The following CERS6 variants were observed in gnomAD, a reference collection of about 807,000 sequenced individuals.
CERS6 encodes LAG1 homolog, ceramide synthase 6.
Under a neutral mutation model 56.8 loss-of-function variants are expected in CERS6, and 26 were observed. That is an observed-to-expected ratio of 0.46 (90% CI 0.34 to 0.63). The LOEUF is 0.63. CERS6 is among the 30% of genes least tolerant of loss of function. CERS6 has a pLI of 0.01. For synonymous variants in CERS6, 164 were observed against 173.3 expected, an observed-to-expected ratio of 0.95 and a Z score of 0.42; for missense variants, 415 against 467.5, an observed-to-expected ratio of 0.89 and a Z score of 1.04.
intron 4 of CERS6, among the ~76,000 whole-genome samples, chr2:168,641,341 A>C (rs1361485695): frequency 6.6e-6 from 1 of 152,108 alleles, no homozygotes; most frequent in Non-Finnish European, 1.5e-5. Flanking sequence ...CTGGCTTCCC[A>C]TAGAAACTGC....
chr2:168,688,477 G>A (rs1445741336), intron 4 of CERS6, among the ~76,000 whole-genome samples: 2 of 151,520 alleles, frequency 1.3e-5, no homozygotes, highest in East Asian at 3.9e-4. Context: ...TCATACACCA[G>A]TGTTGAGCTA....
chr2:168,638,316 G>A (rs1384202625), intron 4 of CERS6, among the ~76,000 whole-genome samples: 1 of 151,944 alleles, frequency 6.6e-6, no homozygotes. Context: ...TTTCTGCAAT[G>A]TAACTAGCAG....
intron 1 of CERS6, among the ~76,000 whole-genome samples, chr2:168,487,983 G>A (rs1216099951): frequency 6.6e-6 from 1 of 152,142 alleles, no homozygotes; most frequent in Non-Finnish European, 1.5e-5. Context: ...GCCTCCCAAA[G>A]TACTGGGATT....
chr2:168,695,166 G>A (rs1686614049), intron 6 of CERS6, 115 bp downstream of exon 6: 1 of 726,688 alleles, frequency 1.4e-6, no homozygotes, highest in South Asian at 1.7e-5. Context: ...CCCTAGGTTA[G>A]TACGACTTGC....
chr2:168,591,394 G>C (rs1683666987), intron 3 of CERS6, among the ~76,000 whole-genome samples: 1 of 152,212 alleles, frequency 6.6e-6, no homozygotes, highest in South Asian at 2.1e-4. Flanking sequence ...ATGAGAGTTT[G>C]ATAGCCAAAT....
intron 6 of CERS6, among the ~76,000 whole-genome samples, chr2:168,706,859 A>G (rs1256427998): frequency 6.6e-6 from 1 of 152,222 alleles, no homozygotes; most frequent in Non-Finnish European, 1.5e-5. Context: ...GTAAAGGACC[A>G]GGTAATAAAT....
At chr2:168,544,369 C>G (rs922381849) in intron 1 of CERS6, among the ~76,000 whole-genome samples, 8 of 152,186 alleles carry the variant, frequency 5.3e-5, no homozygotes, top group African/African-American at 1.7e-4. Context: ...ATCTCTGGTC[C>G]TCTCTGCAAA....
chr2:168,468,611 C>T (rs938306456), intron 1 of CERS6, among the ~76,000 whole-genome samples: 1 of 152,216 alleles, frequency 6.6e-6, no homozygotes, highest in African/African-American at 2.4e-5. Context: ...TTCACACACA[C>T]AATCACTTTC....
At chr2:168,727,285 C>G (rs995342292) in intron 8 of CERS6, among the ~76,000 whole-genome samples, 1 of 152,088 alleles carries the variant, frequency 6.6e-6, no homozygotes, top group Non-Finnish European at 1.5e-5. Context: ...CATGGTGACT[C>G]ATGCCTGTAA....
intron 1 of CERS6, among the ~76,000 whole-genome samples, chr2:168,475,926 C>G (rs1054842081): frequency 6.6e-6 from 1 of 152,192 alleles, no homozygotes; most frequent in Non-Finnish European, 1.5e-5. Context: ...CTCTCACATG[C>G]AAGTCCGGGC....
chr2:168,678,616 G>A (rs1686130376), intron 4 of CERS6, among the ~76,000 whole-genome samples: 1 of 152,144 alleles, frequency 6.6e-6, no homozygotes, highest in Admixed American at 6.5e-5. Context: ...TTTACTGCCA[G>A]CTCTCCATTC....
intron 3 of CERS6, among the ~76,000 whole-genome samples, chr2:168,567,460 T>A (rs1317337537): frequency 1.3e-5 from 2 of 152,222 alleles, no homozygotes; most frequent in African/African-American, 2.4e-5. Context: ...GATGCAAATG[T>A]GCATGGCTGT....
chr2:168,473,622 A>T (rs1167240002), intron 1 of CERS6, among the ~76,000 whole-genome samples: 1 of 152,148 alleles, frequency 6.6e-6, no homozygotes, highest in African/African-American at 2.4e-5. Context: ...ATGCTACAAA[A>T]TTGTGTTTGA....
chr2:168,592,002 C>A (rs1191019778), intron 3 of CERS6, among the ~76,000 whole-genome samples: 1 of 152,170 alleles, frequency 6.6e-6, no homozygotes, highest in East Asian at 1.9e-4. Flanking sequence ...CCCAACTCTT[C>A]ATTTTGTTGT....
Position 168,456,566 on chromosome 2 carries a change from C to T in CERS6, c.118C>T (p.Leu40Phe), listed in dbSNP as rs777128267. The change falls in exon 1 of 10, where the codon CTC (leucine) becomes TTC (phenylalanine). Residue 40 changes from leucine to phenylalanine, a missense_variant. Physicochemically the swap from Leu to Phe is conservative, Grantham distance 22. Transcript: ENST00000305747. The surrounding 1 kb of genome is among the most constrained non-coding windows in gnomAD (Gnocchi z 4.1). ...CTTCCCGCAGGCTGAGGACCTCTAT[C>T]TCGCTTTTCCCCTGGCCTTCTGTAT... ...ATFPQAEDLY[L>F]AFPLAFCIFM... 12 of 1,614,086 alleles carry T rather than the reference C, an allele frequency of 7.4e-6. No homozygotes were observed. The East Asian group carries it at 2.2e-4, about 30-fold the overall frequency.
intron 3 of CERS6, among the ~76,000 whole-genome samples, chr2:168,590,229 A>G (rs1268893209): frequency 6.6e-6 from 1 of 152,238 alleles, no homozygotes; most frequent in Non-Finnish European, 1.5e-5. Context: ...TAGCTAAAAG[A>G]AATAGAAGAG....
At position 168,759,190 on chromosome 2, in the gene CERS6, T is replaced by C. The variant is rs950001137; in HGVS notation, c.846-6402T>C. Among the ~76,000 whole-genome samples, 8 of 152,212 alleles carry C rather than the reference T, an allele frequency of 5.3e-5. 1 individual carries two copies. The highest frequency in any genetic ancestry group is 5.2e-4 in the Admixed American group (8 of 15,286). On this transcript the variant is annotated intron_variant, in intron 8 of 9. Coordinates refer to ENST00000305747, the MANE Select transcript of CERS6 (RefSeq NM_203463.3). ...CAGTGAAATGCATGGAGCACAGCTT[T>C]GCCCTGTAGGTGCATTTCTGTCAAA...
chr2:168,580,395 C>T (rs1030037113), intron 3 of CERS6, among the ~76,000 whole-genome samples: 4 of 152,028 alleles, frequency 2.6e-5, no homozygotes, highest in Non-Finnish European at 4.4e-5. Flanking sequence ...GAAATTACAA[C>T]GGGTATACCT....
intron 2 of CERS6, among the ~76,000 whole-genome samples, chr2:168,557,039 C>CTG (rs1037719232): frequency 5.4e-5 from 8 of 148,720 alleles, no homozygotes; most frequent in South Asian, 4.2e-4. Flanking sequence ...TGTTGCACAC[C>CTG]TGTAGTTCCA....
Sources: gnomAD v4.1 joint callset for allele counts (sites outside exome capture counted in the v4.1 genomes callset) on GRCh38, gnomAD v4.1.1 for gene constraint, Gnocchi (gnomAD v3.1) non-coding constraint, MANE v1.5 for transcripts, NCBI Gene and HGNC (gene_info 2026-07-23, HGNC 2026-07-21) for gene names.